SF3A1: variants seen among roughly 807,000 people sequenced by gnomAD.
SF3A1 encodes splicing factor 3a subunit 1.
Under a neutral mutation model 89.9 loss-of-function variants are expected in SF3A1, and 13 were observed. That is an observed-to-expected ratio of 0.14 (90% CI 0.09 to 0.23). The LOEUF is 0.23. SF3A1 is among the 10% of genes least tolerant of loss of function. The pLI is 1.00. For synonymous variants in SF3A1, 405 were observed against 374.4 expected (o/e 1.08, Z -0.94); for missense variants, 604 against 1,022.1 (o/e 0.59, Z 5.58).
In SF3A1 at chr22:30,356,635, A is replaced by G. The variant is rs541887857; in HGVS notation, c.63+95T>C. The G allele has an allele frequency of 1.4e-5, 14 of 995,016 alleles. No homozygotes were observed. The East Asian group carries it at 3.3e-4, about 23-fold the overall frequency. 61.6% of individuals were successfully genotyped at this position (995,016 alleles called of 1,614,324 possible). A position where few individuals can be genotyped will look rare whatever the true frequency, so the allele number is the denominator to read the frequency against. On this transcript the variant is annotated intron_variant, in intron 1 of 15. Transcript: ENST00000215793. Reference sequence around the variant, plus strand: ...GCCTCTTGGGACTTGCAGTCCCTCCAAGCCCTTCATAGCGGCCGGCCGCTT... The same window carrying G: ...GCCTCTTGGGACTTGCAGTCCCTCCGAGCCCTTCATAGCGGCCGGCCGCTT...
chr22:30,348,216 G>A lies in SF3A1; in HGVS notation c.186-1697C>T, dbSNP rs371571526. Among the ~76,000 whole-genome samples, 7 of 152,322 alleles carry A rather than the reference G, an allele frequency of 4.6e-5. No homozygotes were observed. In the East Asian group the frequency reaches 1.2e-3, roughly 25 times the overall value. On this transcript the variant is annotated intron_variant, in intron 2 of 15. Transcript: ENST00000215793. ...TTGTTCCATAAACATTGTCTGTGGG[G>A]CCTTCCATTGCTCCTCTGGCGAGAA... is the stretch of plus-strand genomic sequence containing the variant.
intron 2 of SF3A1, among the ~76,000 whole-genome samples, chr22:30,350,458 C>A (rs1366018704): frequency 1.3e-5 from 2 of 151,904 alleles, no homozygotes; most frequent in Admixed American, 1.3e-4. Context: ...CTCCTGCCTG[C>A]GTGTCAGAAC....
intron 13 of SF3A1, among the ~76,000 whole-genome samples, chr22:30,336,461 G>T (rs745955560): frequency 2.6e-5 from 4 of 152,186 alleles, no homozygotes; most frequent in Admixed American, 6.5e-5. Context: ...GGAGGCAGAG[G>T]TTGCAAAAAC....
At chr22:30,335,786 G>A (rs199838528) in intron 13 of SF3A1, 33 bp from the exon 14 acceptor site, 1 of 1,553,432 alleles carries the variant, frequency 6.4e-7, no homozygotes, top group East Asian at 2.2e-5. Flanking sequence ...TATGCCTAGG[G>A]AGCTCGGAGC....
intron 3 of SF3A1, 61 bp downstream of exon 3, chr22:30,346,251 C>CT (rs1931414880): frequency 2.7e-6 from 3 of 1,129,320 alleles, no homozygotes; most frequent in African/African-American, 3.1e-5. Context: ...TGTGTACTCC[C>CT]TCCCTATCCC....
intron 2 of SF3A1, among the ~76,000 whole-genome samples, chr22:30,347,120 T>C (rs1040212965): frequency 2.6e-5 from 4 of 152,066 alleles, no homozygotes; most frequent in Admixed American, 6.6e-5. Flanking sequence ...GAAAAGACCC[T>C]AACTCTACAA....
At chr22:30,338,044 C>T in intron 11 of SF3A1, 147 bp from the exon 12 acceptor site, 1 of 701,686 alleles carries the variant, frequency 1.4e-6, no homozygotes, top group Non-Finnish European at 2.6e-6. Flanking sequence ...CTGTGGCCTA[C>T]ACTGGGCGTC....
intron 2 of SF3A1, among the ~76,000 whole-genome samples, chr22:30,350,443 C>T (rs1931558522): frequency 6.6e-6 from 1 of 152,142 alleles, no homozygotes; most frequent in African/African-American, 2.4e-5. Flanking sequence ...TATCATGCCA[C>T]TGCACTCCTG....
intron 1 of SF3A1, 72 bp downstream of exon 1, chr22:30,356,658 C>T (rs755509773): frequency 1.6e-4 from 190 of 1,217,252 alleles, no homozygotes; most frequent in Non-Finnish European, 2.0e-4. Context: ...CGGCCGGCCG[C>T]TTATTCCTGT....
intron 15 of SF3A1, 128 bp downstream of exon 15, chr22:30,335,339 A>C: frequency 1.2e-6 from 1 of 810,562 alleles, no homozygotes; most frequent in Non-Finnish European, 2.1e-6. Flanking sequence ...CATGACTTCT[A>C]GGATGGATTC....
intron 7 of SF3A1, among the ~76,000 whole-genome samples, chr22:30,341,422 G>C (rs950931911): frequency 6.6e-6 from 1 of 152,116 alleles, no homozygotes; most frequent in East Asian, 1.9e-4. Flanking sequence ...GGGCTGGCAC[G>C]AGGCAGTGAG....
Position 30,340,397 on chromosome 22 carries a change from T to A in SF3A1, c.1190-16A>T, listed in dbSNP as rs1387663441. On this transcript the variant is annotated splice_polypyrimidine_tract_variant and intron_variant, in intron 8 of 15. Transcript: ENST00000215793. ...GGCTTGGAGGCTAAAAGGAAACAGA[T>A]GTTTCAGTAAGAACACTGGTGGGCA... 6.2e-7 allele frequency: 1 copy of A among 1,610,554 alleles called. No individual in the cohort carries two copies. Among genetic ancestry groups the A allele is most frequent in the African/African-American group, 1.3e-5 (1 of 74,646 alleles).
At chr22:30,345,247 A>C in intron 3 of SF3A1, 57 bp from the exon 4 acceptor site, 1 of 1,091,776 alleles carries the variant, frequency 9.2e-7, no homozygotes, top group Non-Finnish European at 1.3e-6. Context: ...GCTCCAGGGG[A>C]GGGGAGGGGA....
chr22:30,336,776 A>C (rs1040410547), intron 13 of SF3A1, among the ~76,000 whole-genome samples: 1 of 152,124 alleles, frequency 6.6e-6, no homozygotes, highest in Non-Finnish European at 1.5e-5. Flanking sequence ...GTAAGTCTAC[A>C]CCAGAGGGAC....
intron 8 of SF3A1, 98 bp downstream of exon 8, chr22:30,340,597 G>A: frequency 1.2e-6 from 1 of 868,064 alleles, no homozygotes; most frequent in South Asian, 1.5e-5. Context: ...ACAATAAGCT[G>A]CACCTCAAGC....
chr22:30,349,743 A>T (rs1163195909), intron 2 of SF3A1, among the ~76,000 whole-genome samples: 1 of 147,094 alleles, frequency 6.8e-6, no homozygotes, highest in African/African-American at 2.5e-5. Context: ...CATACCCTTG[A>T]CCTCTCAGGC....
chr22:30,349,991 C>T (rs891048028), intron 2 of SF3A1, among the ~76,000 whole-genome samples: 1 of 152,036 alleles, frequency 6.6e-6, no homozygotes, highest in African/African-American at 2.4e-5. Flanking sequence ...TCTTTAGCAG[C>T]AGAGGATGGC....
At chr22:30,346,084 A>C in intron 3 of SF3A1, 1 of 553,950 alleles carries the variant, frequency 1.8e-6, no homozygotes, top group Non-Finnish European at 3.2e-6. Context: ...TCAATGAGAC[A>C]AGACTCCTGA....
At chr22:30,342,727 C>A in intron 5 of SF3A1, 78 bp downstream of exon 5, 1 of 951,290 alleles carries the variant, frequency 1.1e-6, no homozygotes, top group East Asian at 2.4e-5. Flanking sequence ...TAACAAGGTC[C>A]TGCCTCAGAG....
Sources: allele counts gnomAD v4.1 joint callset (sites outside exome capture counted in the v4.1 genomes callset), GRCh38; gene constraint gnomAD v4.1.1; transcripts MANE v1.5; gene names NCBI Gene and HGNC (gene_info 2026-07-23, HGNC 2026-07-21).